Variants in EPHA7 observed in about 807,000 individuals in gnomAD.
The protein encoded by EPHA7 is ephrin type-A receptor 7.
In EPHA7, 25 loss-of-function variants were observed where a neutral mutation model predicts 112.6. That is an observed-to-expected ratio of 0.22 (90% CI 0.16 to 0.31). The LOEUF is 0.31. Ranked by LOEUF, EPHA7 falls within the 10% of genes least tolerant of loss-of-function variation. The pLI is 1.00. For missense variants in EPHA7, 962 were observed against 1,212.6 expected, an observed-to-expected ratio of 0.79 and a Z score of 3.07; for synonymous variants, 437 against 406.5, an observed-to-expected ratio of 1.07 and a Z score of -0.90.
intron 5 of EPHA7, among the ~76,000 whole-genome samples, chr6:93,344,556 C>G (rs1396954058): frequency 6.6e-6 from 1 of 151,626 alleles, no homozygotes; most frequent in Non-Finnish European, 1.5e-5. Flanking sequence ...ATTCAGCCAT[C>G]ATTGAGCTGA....
chr6:93,408,407 T>C (rs536017261), intron 3 of EPHA7, among the ~76,000 whole-genome samples: 4 of 152,192 alleles, frequency 2.6e-5, no homozygotes, highest in South Asian at 2.1e-4. Context: ...AATATTTCTC[T>C]ACTTACCCAG....
chr6:93,270,529 G>T (rs1280970487), intron 6 of EPHA7, among the ~76,000 whole-genome samples: 2 of 151,626 alleles, frequency 1.3e-5, no homozygotes, highest in African/African-American at 2.4e-5. Context: ...AATAAAAGTT[G>T]TAAAAATTAT....
chr6:93,296,039 G>C (rs540767223), intron 5 of EPHA7, among the ~76,000 whole-genome samples: 4 of 150,944 alleles, frequency 2.6e-5, no homozygotes, highest in African/African-American at 7.3e-5. Flanking sequence ...TAATACTTTC[G>C]AGCAATAAAT....
chr6:93,341,963 C>G (rs1217261218), intron 5 of EPHA7, among the ~76,000 whole-genome samples: 2 of 151,788 alleles, frequency 1.3e-5, no homozygotes, highest in Non-Finnish European at 2.9e-5. Flanking sequence ...CCTCAGATCT[C>G]TTTCAGGGCC....
intron 14 of EPHA7, 57 bp from the exon 15 acceptor site, chr6:93,247,042 C>A (rs1056681731): frequency 2.1e-6 from 3 of 1,425,544 alleles, no homozygotes; most frequent in Non-Finnish European, 2.8e-6. Flanking sequence ...TATAATAAAC[C>A]AAATTTCCTG....
intron 3 of EPHA7, among the ~76,000 whole-genome samples, chr6:93,391,335 TAAGA>T: frequency 6.6e-6 from 1 of 152,076 alleles, no homozygotes; most frequent in South Asian, 2.1e-4. Context: ...TATCACCATC[TAAGA>T]AACAAACCAA....
intron 5 of EPHA7, among the ~76,000 whole-genome samples, chr6:93,303,558 T>A (rs1773102196): frequency 6.6e-6 from 1 of 152,126 alleles, no homozygotes; most frequent in South Asian, 2.1e-4. Context: ...ACATATTACC[T>A]TAAGGAGTAC....
At chr6:93,403,101 C>T (rs1475388224) in intron 3 of EPHA7, among the ~76,000 whole-genome samples, 1 of 152,018 alleles carries the variant, frequency 6.6e-6, no homozygotes, top group East Asian at 1.9e-4. Context: ...CTGTTATTTG[C>T]TATGAGGAAA....
At chr6:93,362,998 T>C (rs1208714938) in intron 3 of EPHA7, among the ~76,000 whole-genome samples, 1 of 152,132 alleles carries the variant, frequency 6.6e-6, no homozygotes, top group East Asian at 1.9e-4. Context: ...AATGGACTGA[T>C]TTTTTGGAAC....
At chr6:93,370,616 C>T (rs571259734) in intron 3 of EPHA7, among the ~76,000 whole-genome samples, 1 of 152,126 alleles carries the variant, frequency 6.6e-6, no homozygotes, top group Admixed American at 6.5e-5. Context: ...CTTTTGTTTT[C>T]TTTTATTATG....
intron 5 of EPHA7, among the ~76,000 whole-genome samples, chr6:93,315,149 ACCGCGC>A (rs1773747629): frequency 6.6e-6 from 1 of 150,444 alleles, no homozygotes; most frequent in African/African-American, 2.5e-5. Flanking sequence ...GGCGTGAGCC[ACCGCGC>A]CTGGCCGACA....
Position 93,272,332 on chromosome 6 carries a change from A to G in EPHA7, c.1415T>C (p.Val472Ala), listed in dbSNP as rs1232168679. Residue 472 changes from valine (V) to alanine (A), a missense_variant, in exon 6 of 17, where the codon GTC becomes GCC. By Grantham distance (64) the Val-to-Ala change is moderately conservative. Around this residue, in one of 3 missense-constraint regions of EPHA7, gnomAD observed 746 missense variants for 889.2 expected, o/e 0.84. Transcript: ENST00000369303. ...ATACTTGATTTCATATTCTGTGATG[A>G]CTCCATTGGGATGCTCTGGTTCCTG... Reference protein sequence around the residue: ...SWQEPEHPNGVITEYEIKYYE... With the variant: ...SWQEPEHPNGAITEYEIKYYE... The G allele has an allele frequency of 1.2e-6, 2 of 1,611,866 alleles. No individual in the cohort carries two copies. The highest frequency in any genetic ancestry group is 1.7e-6 in the Non-Finnish European group (2 of 1,178,580).
intron 5 of EPHA7, among the ~76,000 whole-genome samples, chr6:93,355,467 T>C (rs1303602441): frequency 6.6e-6 from 1 of 152,208 alleles, no homozygotes; most frequent in Non-Finnish European, 1.5e-5. Context: ...ATAACACTGG[T>C]TGCTTTTAGA....
chr6:93,308,987 C>T (rs923322362), intron 5 of EPHA7, among the ~76,000 whole-genome samples: 3 of 151,078 alleles, frequency 2.0e-5, no homozygotes, highest in African/African-American at 7.3e-5. Context: ...CTTGCTCTGT[C>T]GCCCAGGCTG....
chr6:93,405,205 T>C (rs1040088266), intron 3 of EPHA7, among the ~76,000 whole-genome samples: 4 of 151,924 alleles, frequency 2.6e-5, no homozygotes, highest in African/African-American at 9.7e-5. Flanking sequence ...TTTATACAAA[T>C]TTTTGTTTTT....
chr6:93,397,212 T>A (rs554178357), intron 3 of EPHA7, among the ~76,000 whole-genome samples: 20 of 151,788 alleles, frequency 1.3e-4, no homozygotes, highest in Non-Finnish European at 2.7e-4. Flanking sequence ...TTTAATGTCA[T>A]ATAGGCTGTG....
chr6:93,327,532 G>A (rs531777218), intron 5 of EPHA7, among the ~76,000 whole-genome samples: 4 of 151,614 alleles, frequency 2.6e-5, no homozygotes, highest in East Asian at 3.9e-4. Flanking sequence ...CAGAAACTGA[G>A]TTCCTAAACT....
At chr6:93,413,986 A>G (rs1379647496) in intron 2 of EPHA7, among the ~76,000 whole-genome samples, 1 of 151,916 alleles carries the variant, frequency 6.6e-6, no homozygotes. Context: ...TCTCACAATT[A>G]AAAATAAGAT....
Position 93,414,770 on chromosome 6 carries a change from G to T in EPHA7, c.98-3C>A. On this transcript the variant is annotated splice_region_variant and splice_polypyrimidine_tract_variant and intron_variant, in intron 1 of 16. Transcript: ENST00000369303. ...TGCTTTAGAATCCAGCAGTAGTACT[G>T]AAAAAGAAAGTTGTATTTCCATATG... The T allele has an allele frequency of 6.2e-7, 1 of 1,611,434 alleles. No homozygotes were observed. The highest frequency in any genetic ancestry group is 1.1e-5 in the South Asian group (1 of 90,972).
Sources: gnomAD v4.1 joint callset for allele counts (sites outside exome capture counted in the v4.1 genomes callset) on GRCh38, gnomAD v4.1.1 for gene constraint, gnomAD v4.1.1 regional missense constraint, MANE v1.5 for transcripts, NCBI Gene and HGNC (gene_info 2026-07-23, HGNC 2026-07-21) for gene names.